The following PRAG1 variants were observed in gnomAD, a reference collection of about 807,000 sequenced individuals.
The protein encoded by PRAG1 is inactive tyrosine-protein kinase PRAG1.
In PRAG1, 110 loss-of-function variants were observed where a neutral mutation model predicts 95.6. The ratio of observed to expected loss-of-function variants is 1.15; its 90% CI spans 0.99 to 1.35. PRAG1 has a LOEUF of 1.35. Among genes scored for constraint, PRAG1 ranks in the 40% most tolerant of loss-of-function variants. The probability of loss-of-function intolerance (pLI) is 0.00; values close to 1 mark genes in which losing one functional copy is unlikely to be tolerated. For missense variants in PRAG1, 2,554 were observed against 1,864.7 expected (o/e 1.37, Z -6.81); for synonymous variants, 1,052 against 819.4 (o/e 1.28, Z -4.85).
chr8:8,330,764 A>C (rs1453882759), intron 4 of PRAG1, among the ~76,000 whole-genome samples: 1 of 152,190 alleles, frequency 6.6e-6, no homozygotes, highest in Non-Finnish European at 1.5e-5. Flanking sequence ...CCAGGAAAGC[A>C]ATGGGGACAG....
At chr8:8,367,159 T>C (rs1800034349) in intron 3 of PRAG1, among the ~76,000 whole-genome samples, 1 of 152,094 alleles carries the variant, frequency 6.6e-6, no homozygotes, top group Admixed American at 6.6e-5. Context: ...ACCCAAGTGT[T>C]CTCATGGTTC....
At chr8:8,338,262 G>C (rs148209568) in intron 4 of PRAG1, among the ~76,000 whole-genome samples, 2 of 152,298 alleles carry the variant, frequency 1.3e-5, no homozygotes, top group East Asian at 3.9e-4. Context: ...CCCTGCGAGT[G>C]GACGTCATGG....
At chr8:8,383,786 G>C (rs1287079327) in intron 1 of PRAG1, among the ~76,000 whole-genome samples, 3 of 152,164 alleles carry the variant, frequency 2.0e-5, no homozygotes, top group Admixed American at 2.0e-4. Flanking sequence ...TCCAGAAGAG[G>C]TCACTGGGCT....
chr8:8,372,549 C>A (rs1393972943), intron 3 of PRAG1, among the ~76,000 whole-genome samples: 1 of 152,156 alleles, frequency 6.6e-6, no homozygotes, highest in East Asian at 1.9e-4. Flanking sequence ...AGTATCCAGG[C>A]CTTGCCGTAC....
chr8:8,333,550 G>A (rs1365044557), intron 4 of PRAG1, among the ~76,000 whole-genome samples: 1 of 152,224 alleles, frequency 6.6e-6, no homozygotes, highest in Non-Finnish European at 1.5e-5. Context: ...CAGAAATGCA[G>A]GCCATAAGTT....
At position 8,318,433 on chromosome 8, in the gene PRAG1, C is replaced by T. The variant is rs147473786; in HGVS notation, c.3942G>A (p.Lys1314=). 1.2e-6 allele frequency: 2 copies of T among 1,612,828 alleles called. No individual in the cohort carries two copies. The highest frequency in any genetic ancestry group is 1.3e-5 in the African/African-American group (1 of 75,054). The part of the protein sequence containing the change: ...AHLLLEADPI[K]RIRIGEAKRV... ...GCTTGGCCTCGCCGATGCGGATACG[C>T]TTGATGGGGTCGGCCTCCAGTAGCA... The change falls in exon 6 of 6, where the codon AAG becomes AAA. Residue 1314 remains lysine (K), a synonymous_variant. Coordinates refer to ENST00000615670, the MANE Select transcript of PRAG1 (RefSeq NM_001080826.3). This position sits in a 1 kb window ranked among gnomAD's most constrained non-coding sequence, Gnocchi z 4.2.
Position 8,377,625 on chromosome 8 carries a change from C to T in PRAG1, c.784G>A (p.Gly262Arg), listed in dbSNP as rs1002706931. The part of the protein sequence containing the change: ...EYCSILDCCP[G>R]SPVAKAASQT... ...GAGGCAGCCTTGGCAACAGGGCTCC[C>T]AGGGCAGCAGTCCAGGATGGAGCAG... The change falls in exon 3 of 6, where the codon GGG becomes AGG. Residue 262 changes from glycine (G) to arginine (R), a missense_variant. Coordinates refer to ENST00000615670, the MANE Select transcript of PRAG1 (RefSeq NM_001080826.3). 11 of 1,613,282 alleles carry T rather than the reference C, an allele frequency of 6.8e-6. No individual in the cohort carries two copies. The highest frequency in any genetic ancestry group is 1.3e-5 in the African/African-American group (1 of 74,932).
chr8:8,336,910 C>A (rs1298805265), intron 4 of PRAG1, among the ~76,000 whole-genome samples: 2 of 66,826 alleles, frequency 3.0e-5, no homozygotes, highest in African/African-American at 1.3e-4. Flanking sequence ...CACCCCTTTC[C>A]CCCCTCCCCC....
chr8:8,323,115 A>C (rs1798524905), intron 5 of PRAG1, among the ~76,000 whole-genome samples: 1 of 152,230 alleles, frequency 6.6e-6, no homozygotes, highest in South Asian at 2.1e-4. Context: ...TGAGGGCTGA[A>C]ACAAGATGGG....
chr8:8,326,351 G>A (rs1179712928), intron 5 of PRAG1, among the ~76,000 whole-genome samples: 1 of 151,666 alleles, frequency 6.6e-6, no homozygotes, highest in Non-Finnish European at 1.5e-5. Context: ...CCCCACCAAG[G>A]CCATTTCAAA....
chr8:8,347,411 C>A (rs1799381232), intron 3 of PRAG1, among the ~76,000 whole-genome samples: 2 of 152,228 alleles, frequency 1.3e-5, no homozygotes, highest in Admixed American at 6.5e-5. Flanking sequence ...GACGGCTCTG[C>A]CTCTCTGACC....
chr8:8,324,438 A>G (rs1471870567), intron 5 of PRAG1, among the ~76,000 whole-genome samples: 1 of 152,042 alleles, frequency 6.6e-6, no homozygotes, highest in Admixed American at 6.5e-5. Flanking sequence ...GCAACGGAGA[A>G]GGCTGCGTTG....
Position 8,376,285 on chromosome 8 carries a change from A to G in PRAG1, c.2124T>C (p.Ile708=), listed in dbSNP as rs770538834. The G allele has an allele frequency of 1.2e-6, 2 of 1,614,112 alleles. No individual in the cohort carries two copies. The highest frequency in any genetic ancestry group is 1.7e-6 in the Non-Finnish European group (2 of 1,179,992). The part of the protein sequence containing the change: ...AFEFPKDRSG[I]ETFSPPPPPP... ...GCGGAGGAGGAGGTGAGAATGTCTC[A>G]ATCCCACTTCTGTCCTTGGGGAACT... The change falls in exon 3 of 6, where the codon ATT becomes ATC. Residue 708 remains isoleucine (I), a synonymous_variant. Transcript: ENST00000615670.
At chr8:8,352,055 A>C (rs908641596) in intron 3 of PRAG1, among the ~76,000 whole-genome samples, 1 of 152,092 alleles carries the variant, frequency 6.6e-6, no homozygotes, top group Non-Finnish European at 1.5e-5. Flanking sequence ...CTCAGACCCT[A>C]ATTTTCTTGA....
At chr8:8,351,675 G>GT (rs1799527457) in intron 3 of PRAG1, among the ~76,000 whole-genome samples, 1 of 152,008 alleles carries the variant, frequency 6.6e-6, no homozygotes, top group African/African-American at 2.4e-5. Context: ...GATCCAGGAG[G>GT]TGACATATTC....
At chr8:8,364,453 A>G (rs1799941557) in intron 3 of PRAG1, among the ~76,000 whole-genome samples, 1 of 152,128 alleles carries the variant, frequency 6.6e-6, no homozygotes, top group Non-Finnish European at 1.5e-5. Flanking sequence ...TCACCCATCT[A>G]TTAACTGCTG....
chr8:8,373,887 C>T (rs1360015167), intron 3 of PRAG1, among the ~76,000 whole-genome samples: 3 of 152,052 alleles, frequency 2.0e-5, no homozygotes, highest in African/African-American at 4.8e-5. Context: ...GCCGAAAAAA[C>T]TCTGATCTCA....
intron 3 of PRAG1, among the ~76,000 whole-genome samples, chr8:8,352,529 G>A (rs921638035): frequency 1.3e-4 from 20 of 152,200 alleles, no homozygotes; most frequent in African/African-American, 4.6e-4. Flanking sequence ...CATCTTCTTA[G>A]TCACCATACT....
chr8:8,319,174 G>A lies in PRAG1; in HGVS notation c.3201C>T (p.Asp1067=), dbSNP rs1049966232. The A allele has an allele frequency of 5.0e-6, 8 of 1,603,474 alleles. No homozygotes were observed. Among genetic ancestry groups the A allele is most frequent in the African/African-American group, 1.3e-5 (1 of 74,782 alleles). The stretch of plus-strand genomic sequence containing the variant: ...GGGCAGGCACAGGGTCCTTGGGCGC[G>A]TCGGGGGAGCTGAGCATGCTGGACG... ...SVPSSMLSSP[D]APKDPVPALP... is the part of the protein sequence containing the mutation. Residue 1067 remains aspartate, a synonymous_variant, in exon 6 of 6, where the codon GAC becomes GAT. Coordinates refer to ENST00000615670, the MANE Select transcript of PRAG1 (RefSeq NM_001080826.3).
Sources: gnomAD v4.1 joint callset for allele counts (sites outside exome capture counted in the v4.1 genomes callset) on GRCh38, gnomAD v4.1.1 for gene constraint, Gnocchi (gnomAD v3.1) non-coding constraint, MANE v1.5 for transcripts, NCBI Gene and HGNC (gene_info 2026-07-23, HGNC 2026-07-21) for gene names.